The following ARL10 variants were observed in gnomAD, a reference collection of about 807,000 sequenced individuals.
ARL10 encodes ARF like GTPase 10.
ARL10 carries 23 observed loss-of-function variants against 26.1 expected under a neutral mutation model. That is an observed-to-expected ratio of 0.88 (90% CI 0.63 to 1.25). The LOEUF is 1.25. Among genes scored for constraint, ARL10 ranks in the 50% most tolerant of loss-of-function variants. The probability of loss-of-function intolerance (pLI) is 0.00; values close to 1 mark genes in which losing one functional copy is unlikely to be tolerated. For missense variants in ARL10, 300 were observed against 323.6 expected (o/e 0.93, Z 0.56); for synonymous variants, 138 against 149.1 (o/e 0.93, Z 0.54).
At chr5:176,406,643 G>A, downstream of ARL10, 3 of 1,289,388 alleles carry the variant, frequency 2.3e-6, no homozygotes, top group Non-Finnish European at 3.0e-6. Flanking sequence ...AATAGTTGTG[G>A]GCAGGCTCGT....
At position 176,378,083 on chromosome 5, in the gene ARL10, A is replaced by G. The variant is rs1376201157; in HGVS notation, c.*6188A>G. The G allele has an allele frequency of 6.6e-6, 1 of 152,256 alleles. No individual in the cohort carries two copies. The highest frequency in any genetic ancestry group is 1.5e-5 in the Non-Finnish European group (1 of 68,064). 9.4% of individuals were successfully genotyped at this position (152,256 alleles called of 1,614,324 possible). On this transcript the variant is annotated 3_prime_UTR_variant, in exon 4 of 4. Coordinates refer to ENST00000310389, the MANE Select transcript of ARL10 (RefSeq NM_173664.6). ...GGCCAAGTGCAAAGCTTTTAACAAT[A>G]GAAGTTTCAAGGGCTCAGGAAGGAC...
chr5:176,394,599 C>T (rs563456515), intron 1 of ARL10, among the ~76,000 whole-genome samples: 4 of 147,634 alleles, frequency 2.7e-5, no homozygotes, highest in East Asian at 1.9e-4. Context: ...GGGCGGATCA[C>T]GAGGTCAGAT....
Position 176,393,723 on chromosome 5 carries a change from T to G in ARL10, c.134-8018T>G, listed in dbSNP as rs1328633854. Among the ~76,000 whole-genome samples, 1 of 152,180 alleles carries G rather than the reference T, an allele frequency of 6.6e-6. No homozygotes were observed. The highest frequency in any genetic ancestry group is 1.5e-5 in the Non-Finnish European group (1 of 68,042). ...ATCAAGTTAGGATGAAAACTGGCGG[T>G]CCTTCATCAGAAGTTCTGGTTGACA... On this transcript the variant is annotated intron_variant, in intron 1 of 1. Coordinates refer to the ARL10 transcript ENST00000514533. This position sits in a 1 kb window ranked among gnomAD's most constrained non-coding sequence, Gnocchi z 4.4.
rs1438805723 is a variant in ARL10 at position 176,365,720 on chromosome 5, C to T, written c.157C>T (p.Arg53Cys). ...GGCCTGGTGGGGCGCGGAGGCTGCC[C>T]GCCTCCCCGAGTGGGACGAGTGGGA... ...GEAWWGAEAA[R>C]LPEWDEWDPE... is the part of the protein sequence containing the mutation. The change falls in exon 1 of 4, where the codon CGC becomes TGC. Residue 53 changes from arginine to cysteine, a missense_variant. Arg to Cys is a radical substitution (Grantham distance 180). Coordinates refer to ENST00000310389, the MANE Select transcript of ARL10 (RefSeq NM_173664.6). 2.4e-6 allele frequency: 3 copies of T among 1,238,432 alleles called. No homozygotes were observed. Among genetic ancestry groups the T allele is most frequent in the African/African-American group, 1.6e-5 (1 of 64,414 alleles). 76.7% of individuals were successfully genotyped at this position (1,238,432 alleles called of 1,614,324 possible). A position where few individuals can be genotyped will look rare whatever the true frequency, so the allele number is the denominator to read the frequency against.
chr5:176,410,552 A>T, the ARL10 span, among the ~76,000 whole-genome samples: 1 of 152,124 alleles, frequency 6.6e-6, no homozygotes. Context: ...TTGTCAACCC[A>T]TTTTACAGAT....
chr5:176,390,483 G>A (rs987230258), downstream of ARL10, among the ~76,000 whole-genome samples: 5 of 152,148 alleles, frequency 3.3e-5, no homozygotes, highest in African/African-American at 1.2e-4. Flanking sequence ...AGGCTGGAGT[G>A]CAGTGGCAGA....
At chr5:176,371,628 G>T in intron 3 of ARL10, 94 bp from the exon 4 acceptor site, 1 of 860,136 alleles carries the variant, frequency 1.2e-6, no homozygotes, top group Non-Finnish European at 1.9e-6. Context: ...TATTCCCGGG[G>T]ATAGCCTAAG....
At chr5:176,397,245 C>T (rs563364125) in intron 1 of ARL10, among the ~76,000 whole-genome samples, 1 of 152,100 alleles carries the variant, frequency 6.6e-6, no homozygotes, top group African/African-American at 2.4e-5. Flanking sequence ...GACCTTGTAC[C>T]GTGAAGGACA....
intron 2 of ARL10, 112 bp downstream of exon 2, chr5:176,366,693 C>T (rs1349307513): frequency 7.9e-7 from 1 of 1,259,046 alleles, no homozygotes; most frequent in Non-Finnish European, 1.1e-6. Flanking sequence ...TTCCCCTCTA[C>T]GAATCCTTCC....
chr5:176,392,751 G>C (rs372196026), downstream of ARL10: 3 of 1,612,594 alleles, frequency 1.9e-6, no homozygotes, highest in Non-Finnish European at 2.5e-6. This position sits in a 1 kb window ranked among gnomAD's most constrained non-coding sequence, Gnocchi z 5.2. Context: ...CCCATGCTCT[G>C]TGGCCATGCA....
chr5:176,399,237 AGT>A (rs1756695702), intron 1 of ARL10, among the ~76,000 whole-genome samples: 1 of 152,316 alleles, frequency 6.6e-6, no homozygotes, highest in African/African-American at 2.4e-5. Flanking sequence ...AGCCCAGCAC[AGT>A]GCCTGGCCCA....
intron 1 of ARL10, among the ~76,000 whole-genome samples, chr5:176,400,419 G>A (rs1228536880): frequency 4.6e-5 from 7 of 152,110 alleles, no homozygotes; most frequent in Non-Finnish European, 8.8e-5. Context: ...ACAACGTAGT[G>A]GCAGAGCCAG....
At position 176,372,117 on chromosome 5, in the gene ARL10, T is replaced by C; in HGVS notation, c.*222T>C. ...GCAGGGAGGTGGGTGAGACAGAGGGTGGGGAGGATAGTGTCTGGCTCATTC... is the reference window on the plus strand; with the variant it reads ...GCAGGGAGGTGGGTGAGACAGAGGGCGGGGAGGATAGTGTCTGGCTCATTC... On this transcript the variant is annotated 3_prime_UTR_variant, in exon 4 of 4. Transcript: ENST00000310389. 1 of 1,397,766 alleles carries C rather than the reference T, an allele frequency of 7.2e-7. No individual in the cohort carries two copies. Among genetic ancestry groups the C allele is most frequent in the Non-Finnish European group, 9.3e-7 (1 of 1,073,244 alleles). 86.6% of individuals were successfully genotyped at this position (1,397,766 alleles called of 1,614,324 possible).
At chr5:176,388,572 G>C (rs1426712598) in exon 2 of ARL10, 1 of 1,569,612 alleles carries the variant, frequency 6.4e-7, no homozygotes, top group East Asian at 2.3e-5. Context: ...GCTCAAACAC[G>C]CTGCCTCTGT....
intron 1 of ARL10, among the ~76,000 whole-genome samples, chr5:176,366,164 G>A (rs1390440813): frequency 1.3e-5 from 2 of 152,214 alleles, no homozygotes; most frequent in Non-Finnish European, 2.9e-5. Flanking sequence ...CTCCGAGACC[G>A]GTGGAGGAAG....
At chr5:176,389,208 A>G, downstream of ARL10, 1 of 1,250,506 alleles carries the variant, frequency 8.0e-7, no homozygotes, top group Non-Finnish European at 1.1e-6. Context: ...GACTCGACCT[A>G]CCCTCGCCGC....
In ARL10 at chr5:176,366,538, C is replaced by T. The variant is rs552570684; in HGVS notation, c.342C>T (p.Ser114=). ...EGHIPTWGFN[S]VRLPTKDFEV... ...ACATCCCCACCTGGGGCTTCAACTC[C>T]GTGCGTCTGCCCACCAAGGACTTTG... Residue 114 remains serine (S), a synonymous_variant, in exon 2 of 4, where the codon TCC becomes TCT. Transcript: ENST00000310389. 14 of 1,614,172 alleles carry T rather than the reference C, an allele frequency of 8.7e-6. No homozygotes were observed. The highest frequency in any genetic ancestry group is 1.6e-4 in the Middle Eastern group (1 of 6,062).
At chr5:176,390,586 C>T (rs1446047329), downstream of ARL10, among the ~76,000 whole-genome samples, 1 of 152,182 alleles carries the variant, frequency 6.6e-6, no homozygotes, top group African/African-American at 2.4e-5. Context: ...TGTGCCACCA[C>T]GCCCGGCTAA....
exon 2 of ARL10, chr5:176,388,546 G>T: frequency 6.2e-7 from 1 of 1,606,198 alleles, no homozygotes. Context: ...GCATCGCGCT[G>T]ACCACCGCAC....
Sources: allele counts gnomAD v4.1 joint callset (sites outside exome capture counted in the v4.1 genomes callset), GRCh38; gene constraint gnomAD v4.1.1; non-coding constraint Gnocchi (gnomAD v3.1); transcripts MANE v1.5; gene names NCBI Gene and HGNC (gene_info 2026-07-23, HGNC 2026-07-21).